Variants in TLL1 observed in about 807,000 individuals in gnomAD.
TLL1 encodes the protein tolloid-like protein 1.
In TLL1, 49 loss-of-function variants were observed where a neutral mutation model predicts 128.2. The observed-to-expected ratio is 0.38, with a 90% confidence interval of 0.30 to 0.48. TLL1 has a LOEUF of 0.48. Ranked by LOEUF, TLL1 falls within the 20% of genes least tolerant of loss-of-function variation. TLL1 has a pLI of 0.96. For synonymous variants in TLL1, 454 were observed against 418.8 expected, an observed-to-expected ratio of 1.08 and a Z score of -1.03; for missense variants, 1,123 against 1,242.0, an observed-to-expected ratio of 0.90 and a Z score of 1.44.
intron 1 of TLL1, among the ~76,000 whole-genome samples, chr4:165,895,023 T>C (rs1229395194): frequency 6.6e-6 from 1 of 152,038 alleles, no homozygotes; most frequent in Non-Finnish European, 1.5e-5. Context: ...CATTTACATG[T>C]TTTATATGTA....
At chr4:165,987,402 A>T (rs562051131) in intron 1 of TLL1, among the ~76,000 whole-genome samples, 6 of 152,118 alleles carry the variant, frequency 3.9e-5, no homozygotes, top group African/African-American at 1.2e-4. Context: ...ATGCTGGAGC[A>T]TTAGTGTTTT....
chr4:165,930,409 CTT>C lies in TLL1; in HGVS notation c.169+56337_169+56338del, dbSNP rs796544516. 4.7e-4 allele frequency among the ~76,000 whole-genome samples: 71 copies of C among 152,180 alleles called. 1 individual carries two copies. The highest frequency in any genetic ancestry group is 1.3e-3 in the African/African-American group (56 of 41,534). ...CTATTCACTATATAATATGTGATAA[CTT>C]ATATTCTTTTATTCTGTTAGATTTT... is the stretch of plus-strand genomic sequence containing the variant. On this transcript the variant is annotated intron_variant, in intron 1 of 20. Transcript: ENST00000061240.
chr4:165,895,647 A>T (rs1731639042), intron 1 of TLL1, among the ~76,000 whole-genome samples: 1 of 148,776 alleles, frequency 6.7e-6, no homozygotes. Flanking sequence ...AAAAAAAAAA[A>T]AAAAAAAAAA....
At chr4:166,064,241 A>G (rs1403170876) in intron 15 of TLL1, among the ~76,000 whole-genome samples, 1 of 152,026 alleles carries the variant, frequency 6.6e-6, no homozygotes. Flanking sequence ...GAAAATGGGA[A>G]TTTCCCTACC....
At chr4:166,067,700 T>G (rs1036139213) in intron 16 of TLL1, among the ~76,000 whole-genome samples, 3 of 151,758 alleles carry the variant, frequency 2.0e-5, no homozygotes, top group East Asian at 3.9e-4. Context: ...TCAATTAACA[T>G]GACAATAGTT....
chr4:166,026,006 A>C (rs887221193), intron 9 of TLL1, among the ~76,000 whole-genome samples: 3 of 152,158 alleles, frequency 2.0e-5, no homozygotes, highest in Admixed American at 1.3e-4. Context: ...AAATAGTAAA[A>C]GATAAAATTA....
chr4:165,888,646 G>C (rs1731266185), intron 1 of TLL1, among the ~76,000 whole-genome samples: 1 of 151,926 alleles, frequency 6.6e-6, no homozygotes, highest in South Asian at 2.1e-4. Context: ...TGTCAATTCA[G>C]AATGCAGACC....
intron 1 of TLL1, among the ~76,000 whole-genome samples, chr4:165,947,127 G>C (rs1027913496): frequency 6.6e-6 from 1 of 152,110 alleles, no homozygotes; most frequent in Admixed American, 6.5e-5. Flanking sequence ...AGGCAAAGTA[G>C]GTTCATTCTG....
intron 5 of TLL1, among the ~76,000 whole-genome samples, chr4:165,998,786 G>A (rs1250070759): frequency 3.3e-5 from 5 of 149,732 alleles, no homozygotes; most frequent in African/African-American, 5.0e-5. Context: ...GACAGAGCAA[G>A]ACTCTGTCTT....
intron 2 of TLL1, 91 bp from the exon 3 acceptor site, chr4:165,992,713 C>A: frequency 3.4e-6 from 4 of 1,192,214 alleles, no homozygotes; most frequent in Non-Finnish European, 5.0e-6. Flanking sequence ...AAAAAATGAC[C>A]AAAGAGAAAT....
intron 1 of TLL1, among the ~76,000 whole-genome samples, chr4:165,922,782 C>T (rs1733091667): frequency 6.6e-6 from 1 of 152,148 alleles, no homozygotes; most frequent in Non-Finnish European, 1.5e-5. Context: ...TTATGCTTCT[C>T]AGAATTTATA....
At chr4:165,877,753 CTTCCCTTCT>C (rs1730782923) in intron 1 of TLL1, among the ~76,000 whole-genome samples, 2 of 151,386 alleles carry the variant, frequency 1.3e-5, no homozygotes, top group South Asian at 4.2e-4. Flanking sequence ...TTTTTACTTC[CTTCCCTTCT>C]TTCCCTTCTT....
intron 1 of TLL1, among the ~76,000 whole-genome samples, chr4:165,982,197 A>G (rs774570899): frequency 5.4e-4 from 82 of 151,972 alleles, no homozygotes; most frequent in Non-Finnish European, 1.1e-3. Flanking sequence ...CTCAAATAGA[A>G]TAATGTCAGG....
At chr4:166,097,457 C>T (rs1412432885) in intron 19 of TLL1, among the ~76,000 whole-genome samples, 25 of 152,064 alleles carry the variant, frequency 1.6e-4, no homozygotes. Flanking sequence ...CACTGTGTAA[C>T]ACAGCCCAAT....
intron 1 of TLL1, among the ~76,000 whole-genome samples, chr4:165,968,206 T>G (rs1579559609): frequency 6.6e-6 from 1 of 152,318 alleles, no homozygotes; most frequent in Non-Finnish European, 1.5e-5. Context: ...TTTACATGTC[T>G]TTTTCTTTTA....
intron 1 of TLL1, among the ~76,000 whole-genome samples, chr4:165,888,678 T>C (rs1430978840): frequency 6.6e-6 from 1 of 152,164 alleles, no homozygotes; most frequent in African/African-American, 2.4e-5. Context: ...TTGGGTATGG[T>C]TCTTGCTTAT....
intron 9 of TLL1, among the ~76,000 whole-genome samples, chr4:166,033,675 G>T (rs564326231): frequency 6.6e-6 from 1 of 152,030 alleles, no homozygotes; most frequent in African/African-American, 2.4e-5. Context: ...TAAAAATAAG[G>T]GTTTCAGTTC....
At chr4:166,008,093 C>A in intron 7 of TLL1, 45 bp downstream of exon 7, 1 of 1,377,222 alleles carries the variant, frequency 7.3e-7, no homozygotes, top group East Asian at 2.3e-5. Flanking sequence ...TTCCTTTCCT[C>A]CATGTGGCTC....
chr4:166,061,239 TTTTTTTTTTTTC>T lies in TLL1; in HGVS notation c.2007+1063_2007+1074del, dbSNP rs200534214. 3.7e-3 allele frequency among the ~76,000 whole-genome samples: 169 copies of T among 45,800 alleles called. 1 individual carries two copies. The East Asian group carries it at 0.041, about 11-fold the overall frequency. The allele number at this position is 45,800 out of a possible 152,430, so 30.0% of individuals were successfully genotyped here. ...TTACTGCCTACTTTTCCTCCTTTCCTTTTTTTTTTTTCTTTTTTTTTTTTGAGACAGAGTCTC... is the reference window on the plus strand; with the variant it reads ...TTACTGCCTACTTTTCCTCCTTTCCTTTTTTTTTTTTTGAGACAGAGTCTC... On this transcript the variant is annotated intron_variant, in intron 15 of 20. Coordinates refer to ENST00000061240, the MANE Select transcript of TLL1 (RefSeq NM_012464.5).
Sources: allele counts gnomAD v4.1 joint callset (sites outside exome capture counted in the v4.1 genomes callset), GRCh38; gene constraint gnomAD v4.1.1; transcripts MANE v1.5; gene names NCBI Gene and HGNC (gene_info 2026-07-23, HGNC 2026-07-21).